Variants in DCC observed in about 807,000 individuals in gnomAD.
DCC encodes netrin receptor DCC.
A neutral mutation model predicts 172.5 loss-of-function variants in DCC; 58 were observed. The ratio of observed to expected loss-of-function variants is 0.34; its 90% confidence interval spans 0.27 to 0.42. DCC has a LOEUF of 0.42. DCC is among the 10% of genes least tolerant of loss of function. DCC has a pLI of 1.00. For synonymous variants in DCC, 709 were observed against 644.5 expected (o/e 1.10, Z -1.52); for missense variants, 1,740 against 1,791.0 (o/e 0.97, Z 0.51).
chr18:52,905,087 TTC>T (rs760856429), intron 2 of DCC, among the ~76,000 whole-genome samples: 14 of 152,096 alleles, frequency 9.2e-5, no homozygotes, highest in Non-Finnish European at 1.6e-4. Flanking sequence ...CAGAGAAGCC[TTC>T]TCTCTCACCA....
At chr18:53,297,625 C>T (rs2057083495) in intron 12 of DCC, among the ~76,000 whole-genome samples, 2 of 152,094 alleles carry the variant, frequency 1.3e-5, no homozygotes, top group Admixed American at 1.3e-4. Context: ...AAAAATGTTC[C>T]CGTAACAGCA....
chr18:52,981,004 A>G (rs747339115), intron 5 of DCC, among the ~76,000 whole-genome samples: 2 of 150,018 alleles, frequency 1.3e-5, no homozygotes, highest in Non-Finnish European at 3.0e-5. Context: ...ATAAGCCGGT[A>G]TTTTCCAAAT....
chr18:53,105,336 G>T (rs1028934757), intron 7 of DCC, among the ~76,000 whole-genome samples: 2 of 151,938 alleles, frequency 1.3e-5, no homozygotes, highest in African/African-American at 4.8e-5. Context: ...ATGTACAAGG[G>T]CCACAAGGGC....
intron 2 of DCC, among the ~76,000 whole-genome samples, chr18:52,763,917 A>G (rs924021985): frequency 6.6e-6 from 1 of 152,204 alleles, no homozygotes; most frequent in African/African-American, 2.4e-5. Context: ...TAATTCCTGC[A>G]TAATATTTCA....
intron 3 of DCC, among the ~76,000 whole-genome samples, chr18:52,914,312 C>CA (rs1847419055): frequency 6.6e-6 from 1 of 151,994 alleles, no homozygotes; most frequent in Non-Finnish European, 1.5e-5. Context: ...AGCCATACGC[C>CA]AGTGATAAGA....
In DCC at chr18:52,785,414, T is replaced by G. The variant is rs180776596; in HGVS notation, c.412+33040T>G. ...CAAAGACTCCCATGCCCTTACTCTC[T>G]GCTTAAGTAATTTCTTAAGTCCTAT... On this transcript the variant is annotated intron_variant, in intron 2 of 28. Transcript: ENST00000442544. Among the ~76,000 whole-genome samples the G allele has an allele frequency of 6.9e-3, 1,057 of 152,206 alleles. 1 individual carries two copies. Among genetic ancestry groups the G allele is most frequent in the Non-Finnish European group, 0.011 (775 of 67,974 alleles).
intron 7 of DCC, among the ~76,000 whole-genome samples, chr18:53,136,951 G>C (rs1015049871): frequency 6.6e-6 from 1 of 152,112 alleles, no homozygotes; most frequent in African/African-American, 2.4e-5. Context: ...GATATATATT[G>C]AATGTCCAGG....
chr18:52,955,534 T>A (rs2040728582), intron 5 of DCC, among the ~76,000 whole-genome samples: 1 of 151,276 alleles, frequency 6.6e-6, no homozygotes, highest in Non-Finnish European at 1.5e-5. Context: ...TTTGTGGGCA[T>A]ACATTGTCAG....
intron 5 of DCC, among the ~76,000 whole-genome samples, chr18:53,017,965 A>G (rs890208470): frequency 6.6e-6 from 1 of 152,180 alleles, no homozygotes; most frequent in East Asian, 1.9e-4. Context: ...TTGCAACAGC[A>G]TTTATCAATG....
chr18:53,393,914 C>CCTATCTCTCTCTCTCTCT (rs1908741277), intron 17 of DCC, among the ~76,000 whole-genome samples: 1 of 108,050 alleles, frequency 9.3e-6, no homozygotes, highest in African/African-American at 3.0e-5. Flanking sequence ...TCTCTCTCTC[C>CCTATCTCTCTCTCTCTCT]CTCTCTCCCT....
At chr18:53,418,490 T>G (rs1327586199) in intron 21 of DCC, among the ~76,000 whole-genome samples, 1 of 152,164 alleles carries the variant, frequency 6.6e-6, no homozygotes, top group Non-Finnish European at 1.5e-5. Context: ...ATTTGCCCCC[T>G]TCTCATGGAG....
chr18:52,698,295 G>C (rs1029704059), intron 1 of DCC, among the ~76,000 whole-genome samples: 5 of 152,166 alleles, frequency 3.3e-5, no homozygotes, highest in Admixed American at 6.5e-5. Context: ...AAAATGTTGA[G>C]CTTCTTAGAA....
intron 2 of DCC, among the ~76,000 whole-genome samples, chr18:52,852,695 A>G (rs1206916376): frequency 2.0e-5 from 3 of 151,822 alleles, no homozygotes; most frequent in Non-Finnish European, 4.4e-5. Context: ...TATTATTTTT[A>G]TGTAGTTACA....
At chr18:53,257,277 C>G (rs959154203) in intron 12 of DCC, among the ~76,000 whole-genome samples, 5 of 152,160 alleles carry the variant, frequency 3.3e-5, no homozygotes, top group Non-Finnish European at 5.9e-5. Context: ...GAGAGGGCAT[C>G]CGTGTCTTGT....
chr18:52,855,538 C>T (rs895466883), intron 2 of DCC, among the ~76,000 whole-genome samples: 2 of 152,154 alleles, frequency 1.3e-5, no homozygotes, highest in African/African-American at 4.8e-5. Flanking sequence ...TGCAAGTTCA[C>T]TTCTAGCTTT....
intron 28 of DCC, among the ~76,000 whole-genome samples, chr18:53,529,036 TCTCACACACACACACACA>T (rs1219837985): frequency 1.5e-4 from 7 of 46,754 alleles, no homozygotes; most frequent in Non-Finnish European, 2.8e-4. Context: ...TCTCTCTCTC[TCTCACACACACACACACA>T]CACACACACA....
At chr18:52,905,381 T>C (rs1487547709) in intron 2 of DCC, among the ~76,000 whole-genome samples, 1 of 152,192 alleles carries the variant, frequency 6.6e-6, no homozygotes, top group Non-Finnish European at 1.5e-5. Context: ...TCATATGTAA[T>C]AGGTGGCTCA....
At chr18:52,655,169 C>A (rs1400155026) in intron 1 of DCC, among the ~76,000 whole-genome samples, 1 of 151,966 alleles carries the variant, frequency 6.6e-6, no homozygotes, top group Non-Finnish European at 1.5e-5. Context: ...ATAGACCCAG[C>A]ACAGTAAATT....
intron 2 of DCC, among the ~76,000 whole-genome samples, chr18:52,811,934 T>G (rs2038208741): frequency 6.6e-6 from 1 of 152,202 alleles, no homozygotes; most frequent in Non-Finnish European, 1.5e-5. Flanking sequence ...ATCTCAACTA[T>G]GTTTTGTATT....
Sources: allele counts gnomAD v4.1 joint callset (sites outside exome capture counted in the v4.1 genomes callset), GRCh38; gene constraint gnomAD v4.1.1; transcripts MANE v1.5; gene names NCBI Gene and HGNC (gene_info 2026-07-23, HGNC 2026-07-21).